Variants in IL7R observed in about 807,000 individuals in gnomAD.
The protein encoded by IL7R is interleukin 7 receptor.
In IL7R, 38 loss-of-function variants were observed where a neutral mutation model predicts 47.0. The observed-to-expected ratio is 0.81, with a 90% CI of 0.62 to 1.06. The LOEUF is 1.06. Ranked by LOEUF, IL7R falls within the 50% of genes least tolerant of loss-of-function variation. The pLI is 0.00. For missense variants in IL7R, 633 were observed against 534.8 expected (o/e 1.18, Z -1.81); for synonymous variants, 221 against 199.8 (o/e 1.11, Z -0.89).
chr5:35,874,510 G>A lies in IL7R; in HGVS notation c.768G>A (p.Leu256=). Residue 256 remains leucine (L), a synonymous_variant, in exon 6 of 8, where the codon TTG becomes TTA. Transcript: ENST00000303115. The part of the protein sequence containing the change: ...SILSFFSVAL[L]VILACVLWKK... ...TGAGTTTTTTCTCTGTCGCTCTGTT[G>A]GTCATCTTGGCCTGTGTGTTATGGA... 6.2e-7 allele frequency: 1 copy of A among 1,613,394 alleles called. No homozygotes were observed. The highest frequency in any genetic ancestry group is 8.5e-7 in the Non-Finnish European group (1 of 1,179,448).
rs1760258221 is a variant in IL7R at position 35,877,991 on chromosome 5, T to C, written c.*1505T>C. The C allele has an allele frequency of 4.3e-6, 1 of 233,222 alleles. No individual in the cohort carries two copies. The highest frequency in any genetic ancestry group is 5.6e-5 in the Admixed American group (1 of 17,788). The allele number at this position is 233,222 out of a possible 1,614,324, so 14.4% of individuals were successfully genotyped here. A position where few individuals can be genotyped will look rare whatever the true frequency, so the allele number is the denominator to read the frequency against. Reference sequence around the variant, plus strand: ...AGATTTGTTGCTACTGTTTTTCTGTTTTGAATTTTCTTCTTTGTTCTGTTT... The same window carrying C: ...AGATTTGTTGCTACTGTTTTTCTGTCTTGAATTTTCTTCTTTGTTCTGTTT... On this transcript the variant is annotated 3_prime_UTR_variant, in exon 8 of 8. Coordinates refer to ENST00000303115, the MANE Select transcript of IL7R (RefSeq NM_002185.5).
intron 2 of IL7R, among the ~76,000 whole-genome samples, chr5:35,864,058 G>A (rs1181869396): frequency 6.6e-6 from 1 of 151,924 alleles, no homozygotes; most frequent in African/African-American, 2.4e-5. Flanking sequence ...CATACCCCAG[G>A]AGCAATCATA....
rs200186071 is a variant in IL7R, at chr5:35,873,469, C to T, written c.538-11C>T. The stretch of plus-strand genomic sequence containing the variant: ...CCCATCCTAAGAATGTAACTGCACT[C>T]TACTCTCTAGCATGTGAATTTATCC... On this transcript the variant is annotated splice_polypyrimidine_tract_variant and intron_variant, in intron 4 of 7. Transcript: ENST00000303115. 3.6e-5 allele frequency: 58 copies of T among 1,612,282 alleles called. No homozygotes were observed. The East Asian group carries it at 1.2e-3, about 32-fold the overall frequency.
chr5:35,875,843 CAA>C (rs1435833694), intron 7 of IL7R, 138 bp from the exon 8 acceptor site: 8 of 975,846 alleles, frequency 8.2e-6, no homozygotes, highest in African/African-American at 1.6e-5. Flanking sequence ...GCTCCAGAAG[CAA>C]AGAGTCCATT....
At position 35,856,907 on chromosome 5, in the gene IL7R, C is replaced by G; in HGVS notation, c.-71C>G. The G allele has an allele frequency of 1.1e-6, 1 of 885,250 alleles. No individual in the cohort carries two copies. Among genetic ancestry groups the G allele is most frequent in the Non-Finnish European group, 1.9e-6 (1 of 523,854 alleles). The allele number at this position is 885,250 out of a possible 1,614,324, so 54.8% of individuals were successfully genotyped here. A position where few individuals can be genotyped will look rare whatever the true frequency, so the allele number is the denominator to read the frequency against. Reference sequence around the variant, plus strand: ...CTTCTCTGTCTTCCTCCCTCCCTCCCTTCCTCTTACTCTCATTCATTTCAT... The same window carrying G: ...CTTCTCTGTCTTCCTCCCTCCCTCCGTTCCTCTTACTCTCATTCATTTCAT... On this transcript the variant is annotated 5_prime_UTR_variant, in exon 1 of 8. Transcript: ENST00000303115.
intron 3 of IL7R, among the ~76,000 whole-genome samples, chr5:35,869,871 A>G (rs1428486707): frequency 1.3e-5 from 2 of 152,210 alleles, no homozygotes; most frequent in African/African-American, 2.4e-5. Flanking sequence ...TCCAAGGGTG[A>G]AAAACAAAGT....
At chr5:35,870,648 T>C (rs974316866) in intron 3 of IL7R, among the ~76,000 whole-genome samples, 5 of 152,232 alleles carry the variant, frequency 3.3e-5, no homozygotes, top group African/African-American at 1.2e-4. Flanking sequence ...GGTTTATTTC[T>C]CACTCACATC....
chr5:35,857,552 T>C (rs996894009), intron 1 of IL7R, among the ~76,000 whole-genome samples: 1 of 152,122 alleles, frequency 6.6e-6, no homozygotes, highest in Non-Finnish European at 1.5e-5. Context: ...TAGAATATAG[T>C]AGACATCCAA....
chr5:35,866,263 T>G (rs144060230), intron 2 of IL7R, among the ~76,000 whole-genome samples: 162 of 152,294 alleles, frequency 1.1e-3, no homozygotes, highest in Non-Finnish European at 1.7e-3. Context: ...TTTCCTGAGA[T>G]GTGCCCTACT....
intron 3 of IL7R, among the ~76,000 whole-genome samples, chr5:35,869,974 TCTG>T (rs1402878971): frequency 6.6e-6 from 1 of 152,124 alleles, no homozygotes; most frequent in Admixed American, 6.5e-5. Flanking sequence ...TAGGCCAAAC[TCTG>T]CCATGTGGGC....
chr5:35,878,367 C>T lies in IL7R; in HGVS notation c.*1881C>T. 4.3e-6 allele frequency: 1 copy of T among 232,172 alleles called. No homozygotes were observed. The highest frequency in any genetic ancestry group is 8.5e-6 in the Non-Finnish European group (1 of 117,664). The allele number at this position is 232,172 out of a possible 1,614,324, so 14.4% of individuals were successfully genotyped here. A position where few individuals can be genotyped will look rare whatever the true frequency, so the allele number is the denominator to read the frequency against. ...GTTAGGCACAGGGGACCTAAAGACA[C>T]ATAAAAGGATGGCATTCTGCCTCAT... On this transcript the variant is annotated 3_prime_UTR_variant, in exon 8 of 8. Transcript: ENST00000303115.
In IL7R at chr5:35,876,015, C is replaced by T; in HGVS notation, c.909C>T (p.Phe303=). The T allele has an allele frequency of 1.2e-6, 2 of 1,613,818 alleles. No individual in the cohort carries two copies. Among genetic ancestry groups the T allele is most frequent in the Non-Finnish European group, 1.7e-6 (2 of 1,180,008 alleles). The stretch of plus-strand genomic sequence containing the variant: ...ATGTGAGTTTCAATCCTGAAAGTTT[C>T]CTGGACTGCCAGATTCATAGGGTGG... ...NLNVSFNPES[F]LDCQIHRVDD... Residue 303 remains phenylalanine, a synonymous_variant, in exon 8 of 8, where the codon TTC becomes TTT. Coordinates refer to ENST00000303115, the MANE Select transcript of IL7R (RefSeq NM_002185.5).
chr5:35,871,195 G>A lies in IL7R; in HGVS notation c.519G>A (p.Lys173=), dbSNP rs143661008. 11 of 1,612,496 alleles carry A rather than the reference G, an allele frequency of 6.8e-6. No homozygotes were observed. The highest frequency in any genetic ancestry group is 8.5e-6 in the Non-Finnish European group (10 of 1,178,694). ...LMHDVAYRQE[K]DENKWTHVNL... is the part of the protein sequence containing the mutation. Reference sequence around the variant, plus strand: ...ACGATGTAGCTTACCGCCAGGAAAAGGATGAAAACAAATGGACGGTATGTA... The same window carrying A: ...ACGATGTAGCTTACCGCCAGGAAAAAGATGAAAACAAATGGACGGTATGTA... Residue 173 remains lysine, a synonymous_variant, in exon 4 of 8, where the codon AAG becomes AAA. Transcript: ENST00000303115.
chr5:35,858,215 T>G (rs2149894193), intron 1 of IL7R, among the ~76,000 whole-genome samples: 1 of 152,304 alleles, frequency 6.6e-6, no homozygotes, highest in East Asian at 1.9e-4. Context: ...AGCTGGGTTT[T>G]CACTCCAACT....
intron 4 of IL7R, among the ~76,000 whole-genome samples, chr5:35,871,799 T>C (rs1316269932): frequency 6.6e-6 from 1 of 152,204 alleles, no homozygotes; most frequent in Non-Finnish European, 1.5e-5. Context: ...GAAATTTATT[T>C]TGGGGAGGAG....
rs1355012545 is a variant in IL7R at position 35,876,140 on chromosome 5, A to G, written c.1034A>G (p.Gln345Arg). The change falls in exon 8 of 8, where the codon CAG (glutamine) becomes CGG (arginine). Residue 345 changes from glutamine to arginine, a missense_variant. Coordinates refer to ENST00000303115, the MANE Select transcript of IL7R (RefSeq NM_002185.5). Reference sequence around the variant, plus strand: ...AAGCAGAGGCTTGGAGGGGATGTGCAGAGCCCCAACTGCCCATCTGAGGAT... The same window carrying G: ...AAGCAGAGGCTTGGAGGGGATGTGCGGAGCCCCAACTGCCCATCTGAGGAT... ...SEKQRLGGDV[Q>R]SPNCPSEDVV... The G allele has an allele frequency of 5.6e-6, 9 of 1,614,066 alleles. No homozygotes were observed. In the African/African-American group the frequency reaches 1.1e-4, roughly 19 times the overall value.
Position 35,878,819 on chromosome 5 carries a change from A to G in IL7R, c.*2333A>G, listed in dbSNP as rs1158653593. The G allele has an allele frequency of 1.3e-5, 3 of 232,976 alleles. No homozygotes were observed. The highest frequency in any genetic ancestry group is 2.2e-5 in the African/African-American group (1 of 45,342). The allele number at this position is 232,976 out of a possible 1,614,324, so 14.4% of individuals were successfully genotyped here. A position where few individuals can be genotyped will look rare whatever the true frequency, so the allele number is the denominator to read the frequency against. On this transcript the variant is annotated 3_prime_UTR_variant, in exon 8 of 8. Transcript: ENST00000303115. ...TTTGTATCCCTGGTATAAATAGACA[A>G]TCTCTTGAAGAAATGAAGAGATGAC...
chr5:35,869,702 G>A (rs567139711), intron 3 of IL7R, among the ~76,000 whole-genome samples: 1 of 152,238 alleles, frequency 6.6e-6, no homozygotes, highest in East Asian at 1.9e-4. Flanking sequence ...AGCTCAGAAG[G>A]CCTTGTTGAG....
In IL7R at chr5:35,876,115, A is replaced by G; in HGVS notation, c.1009A>G (p.Lys337Glu). 6.2e-7 allele frequency: 1 copy of G among 1,614,216 alleles called. No homozygotes were observed. Among genetic ancestry groups the G allele is most frequent in the Non-Finnish European group, 8.5e-7 (1 of 1,180,028 alleles). Residue 337 changes from lysine to glutamate, a missense_variant, in exon 8 of 8, where the codon AAG becomes GAG. By Grantham distance (56) the Lys-to-Glu change is moderately conservative (BLOSUM62 1). Coordinates refer to ENST00000303115, the MANE Select transcript of IL7R (RefSeq NM_002185.5). ...TFPQQLEESEKQRLGGDVQSP... is the reference protein window; with the variant it reads ...TFPQQLEESEEQRLGGDVQSP... ...TCCTCAGCAACTAGAAGAATCTGAG[A>G]AGCAGAGGCTTGGAGGGGATGTGCA...
Sources: allele counts gnomAD v4.1 joint callset (sites outside exome capture counted in the v4.1 genomes callset), GRCh38; gene constraint gnomAD v4.1.1; transcripts MANE v1.5; gene names NCBI Gene and HGNC (gene_info 2026-07-23, HGNC 2026-07-21).